SV2C: variants seen among roughly 807,000 people sequenced by gnomAD.
The protein encoded by SV2C is solute carrier family 22 member B3.
In SV2C, 49 loss-of-function variants were observed where a neutral mutation model predicts 79.7. That is an observed-to-expected ratio of 0.61 (90% CI 0.49 to 0.78). The LOEUF (loss-of-function observed/expected upper bound fraction) is 0.78. Among genes scored for constraint, SV2C ranks in the 30% least tolerant of loss-of-function variants. The pLI is 0.00. For missense variants in SV2C, 833 were observed against 912.9 expected (o/e 0.91, Z 1.13); for synonymous variants, 334 against 333.2 (o/e 1.00, Z -0.03).
At position 76,208,370 on chromosome 5, in the gene SV2C, A is replaced by G. The variant is rs558228191; in HGVS notation, c.762-1366A>G. On this transcript the variant is annotated intron_variant, in intron 3 of 12. Coordinates refer to ENST00000502798, the MANE Select transcript of SV2C (RefSeq NM_014979.4). ...GCTACTAAACTAAATTTTGCAACCC[A>G]TAGATTGAAAAGCACCAGCCTAAGT... is the stretch of plus-strand genomic sequence containing the variant. Among the ~76,000 whole-genome samples, 31 of 152,314 alleles carry G rather than the reference A, an allele frequency of 2.0e-4. No individual in the cohort carries two copies. The South Asian group carries it at 6.2e-3, about 31-fold the overall frequency.
Position 76,329,364 on chromosome 5 carries a change from T to C in SV2C, c.*3817T>C, listed in dbSNP as rs1749105616. The C allele has an allele frequency of 6.6e-6, 1 of 152,230 alleles. No individual in the cohort carries two copies. Among genetic ancestry groups the C allele is most frequent in the South Asian group, 2.1e-4 (1 of 4,832 alleles). The allele number at this position is 152,230 out of a possible 1,614,324, so 9.4% of individuals were successfully genotyped here. On this transcript the variant is annotated 3_prime_UTR_variant, in exon 13 of 13. Transcript: ENST00000502798. ...CCCTACAGCTCTCCTGACTGTTTATTCCATTATTTTCTTGAAACATGGCCT... is the reference window on the plus strand; with the variant it reads ...CCCTACAGCTCTCCTGACTGTTTATCCCATTATTTTCTTGAAACATGGCCT...
chr5:75,949,512 G>C, the SV2C span, among the ~76,000 whole-genome samples: 1 of 152,130 alleles, frequency 6.6e-6, no homozygotes, highest in African/African-American at 2.4e-5. Context: ...TTCAATTGTA[G>C]CTCCTGTATT....
At chr5:76,092,108 C>T (rs1177228910) in intron 1 of SV2C, among the ~76,000 whole-genome samples, 1 of 152,064 alleles carries the variant, frequency 6.6e-6, no homozygotes, top group Admixed American at 6.6e-5. Flanking sequence ...TAGTATGATT[C>T]TACTAAAAAG....
chr5:75,959,165 C>T, the SV2C span, among the ~76,000 whole-genome samples: 1 of 151,868 alleles, frequency 6.6e-6, no homozygotes, highest in African/African-American at 2.4e-5. Context: ...GGTTTCTGAC[C>T]TGTGACAGTC....
At chr5:75,910,438 A>G in the SV2C span, 3 of 600,326 alleles carry the variant, frequency 5.0e-6, no homozygotes, top group Non-Finnish European at 9.5e-6. Flanking sequence ...TTGAACTTTC[A>G]TGCATCACTT....
the SV2C span, among the ~76,000 whole-genome samples, chr5:75,990,690 G>A: frequency 1.3e-5 from 2 of 151,872 alleles, no homozygotes; most frequent in Non-Finnish European, 2.9e-5. Flanking sequence ...TAGGGCTGGA[G>A]ATATACCTAA....
At chr5:76,010,300 C>T in the SV2C span, among the ~76,000 whole-genome samples, 444 of 152,148 alleles carry the variant, frequency 2.9e-3, 2 homozygotes, top group South Asian at 1.0e-2. Context: ...CATGCCTGCT[C>T]GTCAGGGTGG....
At chr5:76,129,315 C>G (rs1194318630) in intron 1 of SV2C, among the ~76,000 whole-genome samples, 1 of 152,166 alleles carries the variant, frequency 6.6e-6, no homozygotes, top group Non-Finnish European at 1.5e-5. Context: ...AGTAAGACTA[C>G]AAACTAAAGA....
At chr5:76,078,722 C>A (rs1007118960), upstream of SV2C, 47 of 545,974 alleles carry the variant, frequency 8.6e-5, 1 homozygote, top group South Asian at 6.2e-4. Context: ...AAGCTGATGG[C>A]AAGACCATTC....
In SV2C at chr5:76,291,779, T is replaced by C; in HGVS notation, c.1260T>C (p.Thr420=). The change falls in exon 8 of 13, where the codon ACT becomes ACC. Residue 420 remains threonine, a synonymous_variant. Transcript: ENST00000502798. ...CTAATATTTCACAGATTTGGTTGAC[T>C]TTTATGAGATGTTTCAACTACCCAG... ...IRTELYGIWL[T]FMRCFNYPVR... 1 of 1,608,914 alleles carries C rather than the reference T, an allele frequency of 6.2e-7. No individual in the cohort carries two copies. Among genetic ancestry groups the C allele is most frequent in the Non-Finnish European group, 8.5e-7 (1 of 1,176,786 alleles).
intron 2 of SV2C, among the ~76,000 whole-genome samples, chr5:76,166,406 C>T (rs559735209): frequency 6.6e-6 from 1 of 152,196 alleles, no homozygotes; most frequent in East Asian, 1.9e-4. Context: ...CTTTGCTTAG[C>T]CAAGATCTGA....
the SV2C span, among the ~76,000 whole-genome samples, chr5:75,906,590 C>A: frequency 3.3e-5 from 5 of 152,010 alleles, no homozygotes; most frequent in Non-Finnish European, 5.9e-5. Flanking sequence ...TGCAAGTAAC[C>A]CCCCAAAATC....
At chr5:75,893,915 C>T in the SV2C span, among the ~76,000 whole-genome samples, 2 of 151,874 alleles carry the variant, frequency 1.3e-5, no homozygotes, top group South Asian at 2.1e-4. Flanking sequence ...TTTTGATCTG[C>T]GAATGACAGC....
At chr5:75,984,338 T>A in the SV2C span, among the ~76,000 whole-genome samples, 1 of 152,030 alleles carries the variant, frequency 6.6e-6, no homozygotes. Context: ...AAATAGCAAA[T>A]GATAGTAATA....
At chr5:75,849,283 G>A in the SV2C span, among the ~76,000 whole-genome samples, 2 of 152,220 alleles carry the variant, frequency 1.3e-5, no homozygotes, top group African/African-American at 4.8e-5. Context: ...GAATGGAAGA[G>A]CAGGTGGTTA....
At chr5:75,959,049 T>C in the SV2C span, among the ~76,000 whole-genome samples, 4 of 151,970 alleles carry the variant, frequency 2.6e-5, no homozygotes, top group Admixed American at 1.3e-4. Flanking sequence ...ATTAACATCA[T>C]TTGACATCAG....
chr5:75,994,539 A>G, the SV2C span, among the ~76,000 whole-genome samples: 1 of 152,132 alleles, frequency 6.6e-6, no homozygotes, highest in African/African-American at 2.4e-5. Context: ...AGGGCATTGA[A>G]GGAGAAGATC....
At chr5:76,267,790 G>T (rs1307633211) in intron 4 of SV2C, among the ~76,000 whole-genome samples, 1 of 152,192 alleles carries the variant, frequency 6.6e-6, no homozygotes, top group African/African-American at 2.4e-5. Context: ...GGTGAGGAGG[G>T]GATATTCTAA....
intron 2 of SV2C, among the ~76,000 whole-genome samples, chr5:76,146,797 T>TAAAAAAAAAAAAAAAAAAAAAAAAAAAAA (rs34569063): frequency 2.5e-5 from 1 of 39,348 alleles, no homozygotes; most frequent in East Asian, 1.0e-3. Flanking sequence ...AGTTTTTTTT[T>TAAAAAAAAAAAAAAAAAAAAAAAAAAAAA]AAAAAAAAAA....
Sources: gnomAD v4.1 joint callset for allele counts (sites outside exome capture counted in the v4.1 genomes callset) on GRCh38, gnomAD v4.1.1 for gene constraint, MANE v1.5 for transcripts, NCBI Gene and HGNC (gene_info 2026-07-23, HGNC 2026-07-21) for gene names.